RNF213: variants seen among roughly 807,000 people sequenced by gnomAD.
The protein encoded by RNF213 is ring finger protein 213.
RNF213 carries 341 observed loss-of-function variants against 514.4 expected under a neutral mutation model. That is an observed-to-expected ratio of 0.66 (90% confidence interval 0.61 to 0.73). RNF213 has a LOEUF of 0.73. RNF213 is among the 30% of genes least tolerant of loss of function. The pLI is 0.00. For missense variants in RNF213, 5,767 were observed against 6,615.6 expected (o/e 0.87, Z 4.45); for synonymous variants, 2,655 against 2,658.2 (o/e 1.00, Z 0.04).
intron 25 of RNF213, among the ~76,000 whole-genome samples, chr17:80,338,619 A>G (rs1010673248): frequency 6.8e-6 from 1 of 147,370 alleles, no homozygotes; most frequent in African/African-American, 2.5e-5. Context: ...CCCTGTCTCA[A>G]AAAGTATAAG....
chr17:80,287,913 G>A lies in RNF213; in HGVS notation c.360G>A (p.Leu120=). The change falls in exon 4 of 68, where the codon CTG becomes CTA. Residue 120 remains leucine (L), a synonymous_variant. Coordinates refer to ENST00000582970, the MANE Select transcript of RNF213 (RefSeq NM_001256071.3). ...TTTCTCCTGCCAGCCCCTGTCACCTGACTTTGCTTTCAAACCCGTGGCCTC... is the reference window on the plus strand; with the variant it reads ...TTTCTCCTGCCAGCCCCTGTCACCTAACTTTGCTTTCAAACCCGTGGCCTC... ...LPLSPASPCH[L]TLLSNPWPQD... 1 of 1,574,668 alleles carries A rather than the reference G, an allele frequency of 6.4e-7. No individual in the cohort carries two copies. The highest frequency in any genetic ancestry group is 8.6e-7 in the Non-Finnish European group (1 of 1,160,136).
chr17:80,382,013 G>C (rs1006021140), intron 57 of RNF213: 6 of 441,290 alleles, frequency 1.4e-5, no homozygotes, highest in South Asian at 8.4e-5. Context: ...GCGTCTGCAC[G>C]CAAGTGTTCA....
At chr17:80,326,302 G>C (rs1350606623) in intron 18 of RNF213, among the ~76,000 whole-genome samples, 3 of 152,092 alleles carry the variant, frequency 2.0e-5, no homozygotes, top group African/African-American at 7.2e-5. Context: ...TTTATAAGTT[G>C]GATAGAATTT....
In RNF213 at chr17:80,290,681, T is replaced by G. The variant is rs1229089206; in HGVS notation, c.1224T>G (p.Phe408Leu). ...HKVFIRGGEE[F>L]GESKWDSNIC... ...TCTTCATCAGAGGAGGAGAAGAATT[T>G]GGGGAGTCAAAATGGGACAGCAATA... The change falls in exon 7 of 68, where the codon TTT (phenylalanine) becomes TTG (leucine). Residue 408 changes from phenylalanine to leucine, a missense_variant. By Grantham distance (22) the Phe-to-Leu change is conservative. Transcript: ENST00000582970. 1 of 1,614,086 alleles carries G rather than the reference T, an allele frequency of 6.2e-7. No homozygotes were observed. The highest frequency in any genetic ancestry group is 1.3e-5 in the African/African-American group (1 of 74,920).
chr17:80,289,639 G>T lies in RNF213; in HGVS notation c.934-20G>T. 3 of 1,613,400 alleles carry T rather than the reference G, an allele frequency of 1.9e-6. No homozygotes were observed. Among genetic ancestry groups the T allele is most frequent in the Non-Finnish European group, 1.7e-6 (2 of 1,179,838 alleles). ...TGTGGAGGCCGGCCTTCAAGGTCAGGGTTTGGTTCCTTGTTCCAGGAAGCT... is the reference window on the plus strand; with the variant it reads ...TGTGGAGGCCGGCCTTCAAGGTCAGTGTTTGGTTCCTTGTTCCAGGAAGCT... On this transcript the variant is annotated intron_variant, in intron 5 of 67. Transcript: ENST00000582970.
At chr17:80,352,906 C>T in intron 32 of RNF213, 34 bp from the exon 33 acceptor site, 1 of 1,613,844 alleles carries the variant, frequency 6.2e-7, no homozygotes, top group Non-Finnish European at 8.5e-7. Context: ...GGGAAAGACA[C>T]AAAGACAGTT....
rs765317317 is a variant in RNF213, at chr17:80,353,040, G to T, written c.10404G>T (p.Ala3468=). 2 of 1,613,022 alleles carry T rather than the reference G, an allele frequency of 1.2e-6. No individual in the cohort carries two copies. The highest frequency in any genetic ancestry group is 1.7e-6 in the Non-Finnish European group (2 of 1,180,038). The change falls in exon 33 of 68, where the codon GCG becomes GCT. Residue 3468 remains alanine, a synonymous_variant. Transcript: ENST00000582970. The surrounding 1 kb of genome is among the most constrained non-coding windows in gnomAD (Gnocchi z 5.0). ...LQHVTISQLF[A]PGDLPELGLE... ...ATGTCACCATCAGCCAGCTGTTCGC[G>T]CCCGGAGACTTGCCTGAGCGTGAGT...
chr17:80,379,678 T>C lies in RNF213; in HGVS notation c.13604T>C (p.Ile4535Thr), dbSNP rs75161557. ...CIDCHAPIGG[I>T]DHKPRDGFHL... ...GACTGCCATGCGCCGATTGGAGGCA[T>C]TGACCACAAACCTCGGGACGGCTTT... The change falls in exon 55 of 68, where the codon ATT becomes ACT. Residue 4535 changes from isoleucine to threonine, a missense_variant. Transcript: ENST00000582970. 4.1e-4 allele frequency: 655 copies of C among 1,614,238 alleles called. 1 individual carries two copies. The African/African-American group carries it at 7.4e-3, about 18-fold the overall frequency.
At chr17:80,378,804 C>G (rs1421648939) in intron 54 of RNF213, among the ~76,000 whole-genome samples, 3 of 152,178 alleles carry the variant, frequency 2.0e-5, no homozygotes, top group African/African-American at 7.2e-5. Context: ...CCGTGACTCT[C>G]AGTATATTGT....
Position 80,289,792 on chromosome 17 carries a change from A to C in RNF213, c.1067A>C (p.Lys356Thr). Residue 356 changes from lysine to threonine, a missense_variant, in exon 6 of 68, where the codon AAG (lysine) becomes ACG (threonine). Physicochemically the swap from Lys to Thr is moderately conservative, Grantham distance 78 (BLOSUM62 -1). This residue lies in a region of RNF213 where 509 missense variants were observed against 496.7 expected (regional missense o/e 1.02). Coordinates refer to ENST00000582970, the MANE Select transcript of RNF213 (RefSeq NM_001256071.3). ...NRSAAAVKNE[K>T]EQKNQEADVQ... ...AGTGCAGCTGCTGTGAAAAACGAGA[A>C]GGAGCAAAAAAACCAGGAAGCAGAT... 1 of 1,613,276 alleles carries C rather than the reference A, an allele frequency of 6.2e-7. No homozygotes were observed. Among genetic ancestry groups the C allele is most frequent in the Non-Finnish European group, 8.5e-7 (1 of 1,179,758 alleles).
rs2078630779 is a variant in RNF213, at chr17:80,353,929, G to C, written c.10579-90G>C. 10 of 1,537,140 alleles carry C rather than the reference G, an allele frequency of 6.5e-6. No individual in the cohort carries two copies. Among genetic ancestry groups the C allele is most frequent in the Admixed American group, 3.4e-5 (2 of 58,280 alleles). The stretch of plus-strand genomic sequence containing the variant: ...GGACCGCCGCCCTGTGCTGTTTGCT[G>C]CATTGAGACCCTCATCGCATACGGG... On this transcript the variant is annotated intron_variant, in intron 34 of 67. Transcript: ENST00000582970. The surrounding 1 kb of genome is among the most constrained non-coding windows in gnomAD (Gnocchi z 5.0).
At position 80,340,301 on chromosome 17, in the gene RNF213, CGTGTTCAATGACCGGCT is replaced by C; in HGVS notation, c.5939_5955del (p.Phe1980CysfsTer47). On this transcript the variant is annotated frameshift_variant, in exon 26 of 68. Transcript: ENST00000582970. LOFTEE classifies it high-confidence loss of function. ...CGAAGCAGACCCTGTCGGCGGCAGC[CGTGTTCAATGACCGGCT>C]GTGTGTTGGGATCGTGGCCTCGGAG... 1 of 1,613,812 alleles carries C rather than the reference CGTGTTCAATGACCGGCT, an allele frequency of 6.2e-7. No homozygotes were observed. Among genetic ancestry groups the C allele is most frequent in the South Asian group, 1.1e-5 (1 of 91,078 alleles).
rs770646963 is a variant in RNF213 at position 80,346,667 on chromosome 17, G to A, written c.8332G>A (p.Ala2778Thr). 43 of 1,611,242 alleles carry A rather than the reference G, an allele frequency of 2.7e-5. No homozygotes were observed. Among genetic ancestry groups the A allele is most frequent in the African/African-American group, 4.0e-5 (3 of 74,890 alleles). Residue 2778 changes from alanine to threonine, a missense_variant, in exon 29 of 68, where the codon GCC becomes ACC. Coordinates refer to ENST00000582970, the MANE Select transcript of RNF213 (RefSeq NM_001256071.3). The surrounding 1 kb of genome is among the most constrained non-coding windows in gnomAD (Gnocchi z 8.1). ...GAAGCCCGGCAGCTCCAAGTCTCTCGCCAAGACCATCGTGGCAGACGCCAT... is the reference window on the plus strand; with the variant it reads ...GAAGCCCGGCAGCTCCAAGTCTCTCACCAAGACCATCGTGGCAGACGCCAT... ...VGKPGSSKSL[A>T]KTIVADAMQG... is the part of the protein sequence containing the mutation.
intron 52 of RNF213, among the ~76,000 whole-genome samples, 155 bp downstream of exon 52, chr17:80,376,698 T>C (rs1442921706): frequency 1.3e-5 from 2 of 152,202 alleles, no homozygotes; most frequent in East Asian, 3.8e-4. Flanking sequence ...CACAAGATAG[T>C]GACAGACTTG....
In RNF213 at chr17:80,317,892, A is replaced by G. The variant is rs2045999961; in HGVS notation, c.2901+615A>G. ...GTCCCAAGCTCTTGTCCAGCATCCA[A>G]GAAGAATGGGGTCACCCGGACACTT... On this transcript the variant is annotated intron_variant, in intron 16 of 67. Coordinates refer to ENST00000582970, the MANE Select transcript of RNF213 (RefSeq NM_001256071.3). This position sits in a 1 kb window ranked among gnomAD's most constrained non-coding sequence, Gnocchi z 4.1. 6.6e-6 allele frequency among the ~76,000 whole-genome samples: 1 copy of G among 152,122 alleles called. No homozygotes were observed. The highest frequency in any genetic ancestry group is 2.1e-4 in the South Asian group (1 of 4,820).
At position 80,294,861 on chromosome 17, in the gene RNF213, T is replaced by C; in HGVS notation, c.1613T>C (p.Phe538Ser). Residue 538 changes from phenylalanine to serine, a missense_variant, in exon 9 of 68, where the codon TTC (phenylalanine) becomes TCC (serine). Transcript: ENST00000582970. ...GCTGCGCTCATGCTGGACAGCACCT[T>C]CAGCATCCTGCAGACCTGGGACACC... ...IAAALMLDST[F>S]SILQTWDTIN... 6.2e-7 allele frequency: 1 copy of C among 1,614,206 alleles called. No individual in the cohort carries two copies. The highest frequency in any genetic ancestry group is 8.5e-7 in the Non-Finnish European group (1 of 1,180,046).
At position 80,326,374 on chromosome 17, in the gene RNF213, C is replaced by T. The variant is rs116956704; in HGVS notation, c.3193+1176C>T. On this transcript the variant is annotated intron_variant, in intron 18 of 67. Transcript: ENST00000582970. ...GAAAGTACAGAGAGTTGTCATCTAT[C>T]TCTGCCACCATCACACGGGCAGTAC... Among the ~76,000 whole-genome samples, 178 of 152,328 alleles carry T rather than the reference C, an allele frequency of 1.2e-3. 6 individuals are homozygous for T. In the East Asian group the frequency reaches 0.028, roughly 24 times the overall value.
At chr17:80,360,261 G>A (rs2079005530) in intron 38 of RNF213, 55 bp downstream of exon 38, 1 of 1,573,864 alleles carries the variant, frequency 6.4e-7, no homozygotes, top group African/African-American at 1.4e-5. Flanking sequence ...CAAAGGGATT[G>A]CCTGACAGTG....
intron 2 of RNF213, among the ~76,000 whole-genome samples, chr17:80,268,473 A>G (rs921860340): frequency 6.6e-6 from 1 of 151,394 alleles, no homozygotes; most frequent in Non-Finnish European, 1.5e-5. Flanking sequence ...CACCTCCCCT[A>G]TTTGGCCTTT....
Sources: gnomAD v4.1 joint callset for allele counts (sites outside exome capture counted in the v4.1 genomes callset) on GRCh38, gnomAD v4.1.1 for gene constraint, gnomAD v4.1.1 regional missense constraint, Gnocchi (gnomAD v3.1) non-coding constraint, MANE v1.5 for transcripts, NCBI Gene and HGNC (gene_info 2026-07-23, HGNC 2026-07-21) for gene names.